XPO4: variants seen among roughly 807,000 people sequenced by gnomAD.
The protein encoded by XPO4 is exportin 4, also known as exportin-4.
A neutral mutation model predicts 143.0 loss-of-function variants in XPO4; 39 were observed. That is an observed-to-expected ratio of 0.27 (90% CI 0.21 to 0.36). XPO4 has a LOEUF of 0.36. XPO4 is among the 10% of genes least tolerant of loss of function. The pLI, the probability that XPO4 is intolerant of heterozygous loss-of-function variation, is 1.00. For synonymous variants in XPO4, 439 were observed against 474.0 expected, an observed-to-expected ratio of 0.93 and a Z score of 0.96; for missense variants, 907 against 1,348.0, an observed-to-expected ratio of 0.67 and a Z score of 5.12.
chr13:20,801,359 C>T (rs2059430587), intron 13 of XPO4, among the ~76,000 whole-genome samples: 1 of 152,170 alleles, frequency 6.6e-6, no homozygotes, highest in Non-Finnish European at 1.5e-5. Flanking sequence ...TTAGCATGTA[C>T]TACTTAGCAT....
chr13:20,866,530 T>C (rs1351191493), intron 2 of XPO4: 1 of 345,142 alleles, frequency 2.9e-6, no homozygotes, highest in Non-Finnish European at 4.1e-6. Context: ...TAGAGGAATT[T>C]ACCCTTCTGT....
Position 20,843,755 on chromosome 13 carries a change from CA to C in XPO4, c.573+14del, listed in dbSNP as rs1351712294. The C allele has an allele frequency of 1.3e-6, 2 of 1,568,736 alleles. No homozygotes were observed. The highest frequency in any genetic ancestry group is 1.8e-6 in the Non-Finnish European group (2 of 1,140,498). ...TGATCCAATAATTAAAACTCAAGAA[CA>C]AAACTACCAATACCTGAAAAACTCT... is the stretch of plus-strand genomic sequence containing the variant. On this transcript the variant is annotated intron_variant, in intron 5 of 22. Coordinates refer to ENST00000255305, the MANE Select transcript of XPO4 (RefSeq NM_022459.5).
chr13:20,859,503 G>A (rs555172059), intron 3 of XPO4, among the ~76,000 whole-genome samples: 217 of 152,324 alleles, frequency 1.4e-3, no homozygotes, highest in African/African-American at 4.9e-3. Flanking sequence ...GGGAGGCTGA[G>A]GCAGGAGAAT....
chr13:20,783,239 T>A lies in XPO4; in HGVS notation c.*483A>T, dbSNP rs1225351998. Reference sequence around the variant, plus strand: ...ACTCCTGGGCCCAACAACCAGACATTCTGACTCTGAAGGTCTACAGTTGGG... The same window carrying A: ...ACTCCTGGGCCCAACAACCAGACATACTGACTCTGAAGGTCTACAGTTGGG... On this transcript the variant is annotated 3_prime_UTR_variant, in exon 23 of 23. Coordinates refer to ENST00000255305, the MANE Select transcript of XPO4 (RefSeq NM_022459.5). The A allele has an allele frequency of 6.2e-6, 1 of 160,466 alleles. No individual in the cohort carries two copies. Among genetic ancestry groups the A allele is most frequent in the Non-Finnish European group, 1.4e-5 (1 of 73,300 alleles). 9.9% of individuals were successfully genotyped at this position (160,466 alleles called of 1,614,324 possible).
intron 13 of XPO4, among the ~76,000 whole-genome samples, chr13:20,807,025 T>C (rs2059516866): frequency 1.3e-5 from 2 of 152,170 alleles, no homozygotes; most frequent in Non-Finnish European, 2.9e-5. Flanking sequence ...TTTTACGAGA[T>C]ACAAATTTTT....
Position 20,887,084 on chromosome 13 carries a change from A to G in XPO4, c.69+15586T>C, listed in dbSNP as rs181032477. On this transcript the variant is annotated intron_variant, in intron 1 of 22. Transcript: ENST00000255305. Reference sequence around the variant, plus strand: ...AAACTCCGTCTCAAAAAAAAAATAAATAAATAAAAGGATAGCAAACAAATT... The same window carrying G: ...AAACTCCGTCTCAAAAAAAAAATAAGTAAATAAAAGGATAGCAAACAAATT... Among the ~76,000 whole-genome samples the G allele has an allele frequency of 7.2e-5, 11 of 152,304 alleles. No homozygotes were observed. The East Asian group carries it at 1.7e-3, about 24-fold the overall frequency.
chr13:20,800,439 A>C (rs2059417061), intron 14 of XPO4, 114 bp from the exon 15 acceptor site: 2 of 981,252 alleles, frequency 2.0e-6, no homozygotes, highest in East Asian at 5.2e-5. Context: ...TGCTTACTTC[A>C]CATCAACTTT....
At chr13:20,894,672 T>C (rs1390528827) in intron 1 of XPO4, among the ~76,000 whole-genome samples, 1 of 151,416 alleles carries the variant, frequency 6.6e-6, no homozygotes, top group Non-Finnish European at 1.5e-5. Flanking sequence ...TAAAACCCCG[T>C]CTCTACTAAA....
At chr13:20,866,230 G>C in intron 2 of XPO4, 1 of 984,844 alleles carries the variant, frequency 1.0e-6, no homozygotes, top group South Asian at 4.7e-5. Flanking sequence ...CCACATGCAT[G>C]CACAGATACA....
At chr13:20,841,823 A>C (rs1170849389) in intron 6 of XPO4, among the ~76,000 whole-genome samples, 1 of 151,486 alleles carries the variant, frequency 6.6e-6, no homozygotes, top group Non-Finnish European at 1.5e-5. Flanking sequence ...AATAAAAATG[A>C]GTCCCATACT....
At chr13:20,850,770 CAACAA>C in intron 4 of XPO4, 1 of 983,940 alleles carries the variant, frequency 1.0e-6, no homozygotes, top group Non-Finnish European at 1.2e-6. Context: ...GTTTCTAAAA[CAACAA>C]AACAAACAAA....
At chr13:20,871,711 T>C (rs2138140782) in intron 1 of XPO4, among the ~76,000 whole-genome samples, 1 of 152,354 alleles carries the variant, frequency 6.6e-6, no homozygotes, top group Non-Finnish European at 1.5e-5. Context: ...AACATATCCA[T>C]AATTGTGCAA....
intron 13 of XPO4, among the ~76,000 whole-genome samples, 200 bp from the exon 14 acceptor site, chr13:20,801,190 G>C (rs1041620390): frequency 2.0e-5 from 3 of 152,200 alleles, no homozygotes; most frequent in Non-Finnish European, 2.9e-5. Context: ...ACAAGATAAG[G>C]AAAGGAAGAG....
chr13:20,854,730 C>T (rs2060125226), intron 4 of XPO4, among the ~76,000 whole-genome samples: 1 of 152,256 alleles, frequency 6.6e-6, no homozygotes, highest in East Asian at 1.9e-4. Flanking sequence ...CTGCCTCAGA[C>T]AGAGTGATTA....
intron 1 of XPO4, among the ~76,000 whole-genome samples, chr13:20,894,633 G>A (rs1269672222): frequency 1.3e-5 from 2 of 152,038 alleles, no homozygotes; most frequent in Non-Finnish European, 2.9e-5. Flanking sequence ...CTGAGGGTCA[G>A]GAGTTCAAGA....
chr13:20,862,747 A>T lies in XPO4; in HGVS notation c.287T>A (p.Phe96Tyr). The T allele has an allele frequency of 6.2e-7, 1 of 1,614,154 alleles. No individual in the cohort carries two copies. The highest frequency in any genetic ancestry group is 1.6e-4 in the Middle Eastern group (1 of 6,062). ...EKGSIESLRT[F>Y]LLTYVLQRPN... is the part of the protein sequence containing the mutation. ...CCTTTGTAAGACATAGGTTAAAAGG[A>T]ATGTTCGCAGAGACTCGATGCTACC... is the stretch of plus-strand genomic sequence containing the variant. Residue 96 changes from phenylalanine (F) to tyrosine (Y), a missense_variant, in exon 3 of 23, where the codon TTC (phenylalanine) becomes TAC (tyrosine). Physicochemically the swap from Phe to Tyr is conservative, Grantham distance 22 (BLOSUM62 3). Transcript: ENST00000255305.
intron 1 of XPO4, among the ~76,000 whole-genome samples, chr13:20,891,562 TA>T (rs1433089077): frequency 2.0e-5 from 3 of 152,186 alleles, no homozygotes; most frequent in East Asian, 3.9e-4. Context: ...TCTATTTTTT[TA>T]AAAAAGATGG....
chr13:20,856,841 T>C (rs188228528), intron 3 of XPO4: 248 of 985,346 alleles, frequency 2.5e-4, no homozygotes, highest in Non-Finnish European at 2.1e-4. Context: ...CTCCCAAGAT[T>C]ATGACGTCAC....
At chr13:20,851,529 C>T (rs2060086433) in intron 4 of XPO4, 1 of 705,764 alleles carries the variant, frequency 1.4e-6, no homozygotes. Flanking sequence ...GGCAACATAG[C>T]AAAACCCTGT....
Sources: allele counts gnomAD v4.1 joint callset (sites outside exome capture counted in the v4.1 genomes callset), GRCh38; gene constraint gnomAD v4.1.1; transcripts MANE v1.5; gene names NCBI Gene and HGNC (gene_info 2026-07-23, HGNC 2026-07-21).